Variants in HTR4 observed in about 807,000 individuals in gnomAD.
HTR4 encodes 5-hydroxytryptamine (serotonin) receptor 4, G protein-coupled.
Under a neutral mutation model 36.8 loss-of-function variants are expected in HTR4, and 16 were observed. The ratio of observed to expected loss-of-function variants is 0.43; its 90% CI spans 0.29 to 0.66. HTR4 has a LOEUF of 0.66. HTR4 is among the 30% of genes least tolerant of loss of function. The pLI, the probability that HTR4 is intolerant of heterozygous loss-of-function variation, is 0.13. For missense variants in HTR4, 438 were observed against 490.9 expected (o/e 0.89, Z 1.02); for synonymous variants, 189 against 185.1 (o/e 1.02, Z -0.17).
At chr5:148,589,468 A>G (rs963913273) in intron 2 of HTR4, among the ~76,000 whole-genome samples, 1 of 152,144 alleles carries the variant, frequency 6.6e-6, no homozygotes, top group Non-Finnish European at 1.5e-5. Context: ...GAGATCACAT[A>G]GCTTTTCATT....
At chr5:148,639,620 T>G (rs1753663183) in intron 1 of HTR4, among the ~76,000 whole-genome samples, 1 of 135,870 alleles carries the variant, frequency 7.4e-6, no homozygotes, top group African/African-American at 3.0e-5. Flanking sequence ...CTTCCCAGTA[T>G]ATATATATAT....
rs1374304714 is a variant in HTR4, at chr5:148,611,635, C to T, written c.26+25354G>A. 8.5e-3 allele frequency among the ~76,000 whole-genome samples: 1,257 copies of T among 147,992 alleles called. 19 individuals are homozygous for T. The highest frequency in any genetic ancestry group is 0.029 in the African/African-American group (1,166 of 39,992). ...CTGCATCAACTAACGAGCAAAATCA[C>T]CAGCTAACATCATAATGACAGGATC... On this transcript the variant is annotated intron_variant, in intron 2 of 6. Coordinates refer to ENST00000377888, the MANE Select transcript of HTR4 (RefSeq NM_000870.7).
At chr5:148,650,057 T>TG (rs1753989175) in intron 1 of HTR4, among the ~76,000 whole-genome samples, 1 of 152,138 alleles carries the variant, frequency 6.6e-6, no homozygotes, top group Non-Finnish European at 1.5e-5. Flanking sequence ...TTGTAATTTT[T>TG]GTGGGTACAT....
chr5:148,562,441 T>A (rs530077328), intron 2 of HTR4, among the ~76,000 whole-genome samples: 1 of 152,300 alleles, frequency 6.6e-6, no homozygotes, highest in South Asian at 2.1e-4. Context: ...CCCTTCCGGT[T>A]GACCACGCCA....
Position 148,548,754 on chromosome 5 carries a change from C to A in HTR4, c.267G>T (p.Gly89=), listed in dbSNP as rs532830369. The change falls in exon 4 of 7, where the codon GGG becomes GGT. Residue 89 remains glycine, a synonymous_variant. Coordinates refer to ENST00000377888, the MANE Select transcript of HTR4 (RefSeq NM_000870.7). ...IELVQDIWIY[G]EVFCLVRTSL... ...ATGTCCGAACAAGACAAAACACCTC[C>A]CCATAAATCCAGATGTCTTGAACCA... is the stretch of plus-strand genomic sequence containing the variant. 1.2e-6 allele frequency: 2 copies of A among 1,613,864 alleles called. No individual in the cohort carries two copies. Among genetic ancestry groups the A allele is most frequent in the East Asian group, 4.5e-5 (2 of 44,806 alleles).
downstream of HTR4, chr5:148,476,692 A>G (rs772623523): frequency 7.6e-6 from 12 of 1,584,668 alleles, no homozygotes; most frequent in Non-Finnish European, 8.6e-6. Flanking sequence ...GTTGGGCACT[A>G]AGAAAAAAAA....
chr5:148,561,936 T>G (rs971296777), intron 2 of HTR4, among the ~76,000 whole-genome samples: 12 of 152,234 alleles, frequency 7.9e-5, no homozygotes, highest in Admixed American at 7.2e-4. Context: ...TGCCAGTGGA[T>G]ACAGCTCTCC....
intron 2 of HTR4, among the ~76,000 whole-genome samples, chr5:148,617,468 G>GT (rs199759219): frequency 0.068 from 9,139 of 134,272 alleles, 486 homozygotes; most frequent in African/African-American, 0.15. Flanking sequence ...TCTCTCTTTT[G>GT]TTTTTTTTTG....
At chr5:148,467,764 C>T (rs754703586) in intron 5 of HTR4, among the ~76,000 whole-genome samples, 10 of 152,174 alleles carry the variant, frequency 6.6e-5, no homozygotes, top group African/African-American at 1.4e-4. Flanking sequence ...TTCACTGGCT[C>T]GAATGACCAT....
At chr5:148,640,030 G>T (rs1019705798) in intron 1 of HTR4, among the ~76,000 whole-genome samples, 9 of 152,064 alleles carry the variant, frequency 5.9e-5, no homozygotes, top group African/African-American at 2.2e-4. Flanking sequence ...CCATCCTATA[G>T]ATGAAGAGAC....
At chr5:148,505,218 A>G (rs1433260220) in intron 6 of HTR4, among the ~76,000 whole-genome samples, 2 of 152,242 alleles carry the variant, frequency 1.3e-5, no homozygotes, top group African/African-American at 4.8e-5. Flanking sequence ...CTGGTTCAAC[A>G]TATGCAAATC....
At chr5:148,562,066 G>A (rs1760236796) in intron 2 of HTR4, among the ~76,000 whole-genome samples, 1 of 152,178 alleles carries the variant, frequency 6.6e-6, no homozygotes, top group Non-Finnish European at 1.5e-5. Flanking sequence ...TCAATTTTAT[G>A]CTGTTGCAGG....
chr5:148,591,235 T>C lies in HTR4; in HGVS notation c.27-40973A>G, dbSNP rs546581610. On this transcript the variant is annotated intron_variant, in intron 2 of 6. Coordinates refer to ENST00000377888, the MANE Select transcript of HTR4 (RefSeq NM_000870.7). ...TATTTTGTTTTGGTTACTGTAGCCT[T>C]GTAGCATAGTTTGAAGTGAGTAACA... Among the ~76,000 whole-genome samples the C allele has an allele frequency of 3.3e-5, 5 of 152,354 alleles. No homozygotes were observed. The South Asian group carries it at 1.0e-3, about 32-fold the overall frequency.
rs1759616996 is a variant in HTR4, at chr5:148,550,257, T to G, written c.32A>C (p.Glu11Ala). Residue 11 changes from glutamate (E) to alanine (A), a missense_variant, in exon 3 of 7, where the codon GAG becomes GCG. Coordinates refer to ENST00000377888, the MANE Select transcript of HTR4 (RefSeq NM_000870.7). MDKLDANVSSEEGFGSVEKVV... is the reference protein window; with the variant it reads MDKLDANVSSAEGFGSVEKVV... ...CTTCTCCACTGACCCGAAACCCTCC[T>G]CAGAACTGAAAGACACACACAAGCA... The G allele has an allele frequency of 6.2e-7, 1 of 1,613,850 alleles. No individual in the cohort carries two copies. Among genetic ancestry groups the G allele is most frequent in the Admixed American group, 1.7e-5 (1 of 59,990 alleles).
chr5:148,559,767 G>A (rs1451272247), intron 2 of HTR4, among the ~76,000 whole-genome samples: 4 of 152,038 alleles, frequency 2.6e-5, no homozygotes, highest in Non-Finnish European at 4.4e-5. Flanking sequence ...CAAAGACACT[G>A]CTCCCCAAAG....
chr5:148,617,903 G>T (rs1752764614), intron 2 of HTR4, among the ~76,000 whole-genome samples: 1 of 152,138 alleles, frequency 6.6e-6, no homozygotes, highest in Admixed American at 6.5e-5. Flanking sequence ...GTTGCAGTAG[G>T]AGAGGCTAGC....
At chr5:148,609,268 C>T (rs1433395838) in intron 2 of HTR4, among the ~76,000 whole-genome samples, 1 of 152,140 alleles carries the variant, frequency 6.6e-6, no homozygotes, top group Non-Finnish European at 1.5e-5. Context: ...TTCAGTGTTC[C>T]ACTGATTGAT....
At chr5:148,569,589 AT>A (rs1760593589) in intron 2 of HTR4, among the ~76,000 whole-genome samples, 1 of 151,432 alleles carries the variant, frequency 6.6e-6, no homozygotes, top group Non-Finnish European at 1.5e-5. Flanking sequence ...TGTATATTAT[AT>A]TTATCTTATT....
intron 4 of HTR4, among the ~76,000 whole-genome samples, chr5:148,530,236 A>G (rs1758492585): frequency 6.6e-6 from 1 of 152,200 alleles, no homozygotes; most frequent in African/African-American, 2.4e-5. Context: ...TTAATCCCCA[A>G]GACAATGGAG....
Sources: gnomAD v4.1 joint callset for allele counts (sites outside exome capture counted in the v4.1 genomes callset) on GRCh38, gnomAD v4.1.1 for gene constraint, MANE v1.5 for transcripts, NCBI Gene and HGNC (gene_info 2026-07-23, HGNC 2026-07-21) for gene names.